Variants in RAP1GAP2 observed in about 807,000 individuals in gnomAD.
RAP1GAP2 encodes rap1 GTPase-activating protein 2.
A neutral mutation model predicts 95.0 loss-of-function variants in RAP1GAP2; 27 were observed. The ratio of observed to expected loss-of-function variants is 0.28; its 90% CI spans 0.21 to 0.39. RAP1GAP2 has a LOEUF of 0.39. Ranked by LOEUF, RAP1GAP2 falls within the 10% of genes least tolerant of loss-of-function variation. The pLI is 1.00. For missense variants in RAP1GAP2, 771 were observed against 970.0 expected (o/e 0.79, Z 2.72); for synonymous variants, 373 against 380.9 (o/e 0.98, Z 0.24).
At position 2,904,541 on chromosome 17, in the gene RAP1GAP2, T is replaced by TGTGTGTGG. The variant is rs1360956548; in HGVS notation, c.81-736_81-735insGGTGTGTG. The stretch of plus-strand genomic sequence containing the variant: ...TTTTTGACCAGGGCCTGTGTGTGTG[T>TGTGTGTGG]GTGTGTGTGTGTGTGTGTGTGTGTG... On this transcript the variant is annotated intron_variant, in intron 2 of 24. Transcript: ENST00000254695. The surrounding 1 kb of genome is among the most constrained non-coding windows in gnomAD (Gnocchi z 4.7). 6.6e-6 allele frequency among the ~76,000 whole-genome samples: 1 copy of TGTGTGTGG among 150,444 alleles called. No homozygotes were observed. Among genetic ancestry groups the TGTGTGTGG allele is most frequent in the East Asian group, 2.0e-4 (1 of 5,102 alleles).
intron 4 of RAP1GAP2, chr17:2,962,233 C>T (rs565463189): frequency 1.1e-3 from 189 of 179,546 alleles, no homozygotes; most frequent in Middle Eastern, 2.3e-3. Context: ...ATGATAATAC[C>T]GCCTCCTTCA....
In RAP1GAP2 at chr17:2,904,676, C is replaced by T. The variant is rs541772828; in HGVS notation, c.81-608C>T. Among the ~76,000 whole-genome samples, 3 of 152,016 alleles carry T rather than the reference C, an allele frequency of 2.0e-5. No homozygotes were observed. The highest frequency in any genetic ancestry group is 2.1e-4 in the South Asian group (1 of 4,810). ...TAGCCCCGTGGTTCTCAGACTTTGC[C>T]GTGTAGCAGAATGACCTGGAGAGCT... On this transcript the variant is annotated intron_variant, in intron 2 of 24. Coordinates refer to ENST00000254695, the MANE Select transcript of RAP1GAP2 (RefSeq NM_015085.5). The surrounding 1 kb of genome is among the most constrained non-coding windows in gnomAD (Gnocchi z 4.7).
At chr17:2,922,974 G>A (rs916765035) in intron 3 of RAP1GAP2, among the ~76,000 whole-genome samples, 1 of 151,292 alleles carries the variant, frequency 6.6e-6, no homozygotes, top group African/African-American at 2.4e-5. Context: ...TGCCTCCCAG[G>A]CTCCAGCGAT....
At chr17:3,006,450 TC>T (rs2046338872) in intron 16 of RAP1GAP2, among the ~76,000 whole-genome samples, 2 of 135,184 alleles carry the variant, frequency 1.5e-5, no homozygotes, top group East Asian at 2.3e-4. Context: ...TTTTTTTTTT[TC>T]AAGACAGAAT....
At chr17:2,984,270 C>A (rs2045474744) in intron 10 of RAP1GAP2, among the ~76,000 whole-genome samples, 1 of 152,118 alleles carries the variant, frequency 6.6e-6, no homozygotes, top group Non-Finnish European at 1.5e-5. Context: ...CTTGCTTGAA[C>A]CCGGGAGGCG....
chr17:2,882,270 G>GCA (rs939809580), intron 2 of RAP1GAP2, among the ~76,000 whole-genome samples: 1 of 151,226 alleles, frequency 6.6e-6, no homozygotes, highest in African/African-American at 2.4e-5. Context: ...GGGATTACAG[G>GCA]TGTGCACCAC....
intron 2 of RAP1GAP2, among the ~76,000 whole-genome samples, chr17:2,828,694 T>C (rs936129086): frequency 6.6e-6 from 1 of 152,176 alleles, no homozygotes; most frequent in African/African-American, 2.4e-5. Flanking sequence ...TTTGTGATTC[T>C]GGCTGTGGGC....
At position 3,034,178 on chromosome 17, in the gene RAP1GAP2, G is replaced by A. The variant is rs538894361; in HGVS notation, c.*817G>A. On this transcript the variant is annotated 3_prime_UTR_variant, in exon 25 of 25. Coordinates refer to ENST00000254695, the MANE Select transcript of RAP1GAP2 (RefSeq NM_015085.5). This position sits in a 1 kb window ranked among gnomAD's most constrained non-coding sequence, Gnocchi z 5.1. ...GGTGAGGGGAGGGAGGGGCAGCCCC[G>A]AGGCAGTCTCTTCCCTTTGAGAAGA... is the stretch of plus-strand genomic sequence containing the variant. The A allele has an allele frequency of 1.0e-3, 158 of 157,956 alleles. 1 individual carries two copies. The highest frequency in any genetic ancestry group is 2.0e-3 in the Admixed American group (31 of 15,326). The allele number at this position is 157,956 out of a possible 1,614,324, so 9.8% of individuals were successfully genotyped here.
intron 8 of RAP1GAP2, among the ~76,000 whole-genome samples, chr17:2,972,582 G>C (rs928895349): frequency 3.6e-5 from 4 of 110,490 alleles, no homozygotes; most frequent in Non-Finnish European, 6.8e-5. Context: ...TGGGTGACAA[G>C]AGTGAAAGTC....
intron 3 of RAP1GAP2, among the ~76,000 whole-genome samples, chr17:2,921,715 A>ACGGGGCCGTTAAGGTGTGCG (rs1555569369): frequency 6.7e-6 from 1 of 149,540 alleles, no homozygotes; most frequent in Admixed American, 6.6e-5. Flanking sequence ...TTATGTGTCC[A>ACGGGGCCGTTAAGGTGTGCG]CAGGGCCGTT....
intron 3 of RAP1GAP2, among the ~76,000 whole-genome samples, chr17:2,914,513 C>T (rs963181809): frequency 6.6e-6 from 1 of 151,942 alleles, no homozygotes; most frequent in Non-Finnish European, 1.5e-5. Context: ...GTTTTTGAGG[C>T]AGAGTCTCGC....
intron 2 of RAP1GAP2, among the ~76,000 whole-genome samples, chr17:2,814,555 G>A (rs7207808): frequency 0.21 from 31,444 of 152,044 alleles, 3,566 homozygotes; most frequent in South Asian, 0.34. Flanking sequence ...AGCTCCTCCC[G>A]CGCCGTGGGG....
At position 2,756,352 on chromosome 17, in the gene RAP1GAP2, C is replaced by T. The variant is rs560664412; in HGVS notation, c.50+585C>T. On this transcript the variant is annotated intron_variant, in intron 1 of 25. Transcript: ENST00000637138. The stretch of plus-strand genomic sequence containing the variant: ...GTGTAGCGGGGCAGTCGCCCTTTCC[C>T]CCTCCGCAGTCCTGGCCCGCTGGGA... Among the ~76,000 whole-genome samples the T allele has an allele frequency of 5.3e-5, 8 of 152,350 alleles. No individual in the cohort carries two copies. The South Asian group carries it at 1.7e-3, about 32-fold the overall frequency.
At chr17:2,997,107 A>G (rs576351833) in intron 13 of RAP1GAP2, among the ~76,000 whole-genome samples, 1 of 152,274 alleles carries the variant, frequency 6.6e-6, no homozygotes, top group East Asian at 1.9e-4. Flanking sequence ...TGAACAGCCC[A>G]ACATGGTTCC....
intron 2 of RAP1GAP2, among the ~76,000 whole-genome samples, chr17:2,900,990 G>C (rs1167715058): frequency 6.6e-6 from 1 of 152,232 alleles, no homozygotes; most frequent in African/African-American, 2.4e-5. Context: ...CGAGGAGCCT[G>C]CAGGCCTGGG....
At chr17:3,000,111 C>G (rs1271542692) in intron 14 of RAP1GAP2, among the ~76,000 whole-genome samples, 1 of 152,124 alleles carries the variant, frequency 6.6e-6, no homozygotes, top group East Asian at 1.9e-4. Context: ...CCATGCCCAG[C>G]TAATTTTTTG....
At chr17:2,845,869 TAAATAAAATA>T (rs148047437) in intron 2 of RAP1GAP2, among the ~76,000 whole-genome samples, 1 of 149,368 alleles carries the variant, frequency 6.7e-6, no homozygotes. Context: ...TTAAAATAAA[TAAATAAAATA>T]AAATAAAATA....
intron 2 of RAP1GAP2, among the ~76,000 whole-genome samples, chr17:2,877,234 G>T (rs934618932): frequency 2.0e-5 from 3 of 152,088 alleles, no homozygotes; most frequent in Non-Finnish European, 4.4e-5. Context: ...AGCATGCTCT[G>T]TTGCTGCCTC....
intron 1 of RAP1GAP2, among the ~76,000 whole-genome samples, chr17:2,769,195 G>A (rs1032302718): frequency 1.5e-4 from 20 of 130,318 alleles, no homozygotes; most frequent in Non-Finnish European, 1.5e-5. Flanking sequence ...TTGCGCCACT[G>A]CACTCTAGCC....
Sources: gnomAD v4.1 joint callset for allele counts (sites outside exome capture counted in the v4.1 genomes callset) on GRCh38, gnomAD v4.1.1 for gene constraint, Gnocchi (gnomAD v3.1) non-coding constraint, MANE v1.5 for transcripts, NCBI Gene and HGNC (gene_info 2026-07-23, HGNC 2026-07-21) for gene names.